The following BAZ2A variants were observed in gnomAD, a reference collection of about 807,000 sequenced individuals.
BAZ2A encodes the protein bromodomain adjacent to zinc finger domain 2A.
A neutral mutation model predicts 199.9 loss-of-function variants in BAZ2A; 34 were observed. That is an observed-to-expected ratio of 0.17 (90% confidence interval 0.13 to 0.23). BAZ2A has a LOEUF of 0.23. BAZ2A is among the 10% of genes least tolerant of loss of function. The pLI is 1.00. For synonymous variants in BAZ2A, 857 were observed against 883.9 expected, an observed-to-expected ratio of 0.97 and a Z score of 0.54; for missense variants, 2,002 against 2,391.1, an observed-to-expected ratio of 0.84 and a Z score of 3.39.
chr12:56,636,704 A>C (rs957917322), upstream of BAZ2A: 3 of 154,312 alleles, frequency 1.9e-5, no homozygotes, highest in African/African-American at 7.2e-5. Flanking sequence ...CCTGTACCCT[A>C]GGGCTTTTTC....
Position 56,605,887 on chromosome 12 carries a change from C to T in BAZ2A, c.2436G>A (p.Gln812=), listed in dbSNP as rs1592570845. The change falls in exon 13 of 29, where the codon CAG becomes CAA. Residue 812 remains glutamine, a synonymous_variant. Coordinates refer to ENST00000549884, the MANE Select transcript of BAZ2A (RefSeq NM_001300905.2). The part of the protein sequence containing the change: ...QRRLEERQRQ[Q]MILEEMKKPT... ...GCTTCTTCATTTCCTCCAAGATCAT[C>T]TGCTGCCTCTGCCGTTCCTCCAAGC... The T allele has an allele frequency of 6.3e-7, 1 of 1,597,576 alleles. No homozygotes were observed. The highest frequency in any genetic ancestry group is 1.1e-5 in the South Asian group (1 of 88,260).
At position 56,601,998 on chromosome 12, in the gene BAZ2A, C is replaced by G; in HGVS notation, c.3619G>C (p.Val1207Leu). 6.4e-7 allele frequency: 1 copy of G among 1,555,742 alleles called. No individual in the cohort carries two copies. The highest frequency in any genetic ancestry group is 1.2e-5 in the South Asian group (1 of 85,068). Residue 1207 changes from valine (V) to leucine (L), a missense_variant, in exon 20 of 29, where the codon GTC becomes CTC. Coordinates refer to ENST00000549884, the MANE Select transcript of BAZ2A (RefSeq NM_001300905.2). Reference sequence around the variant, plus strand: ...GGCTGTTCTGAATCCTGACCCCTGACAGGGGACTTAAGATGCCTAGGTTGC... The same window carrying G: ...GGCTGTTCTGAATCCTGACCCCTGAGAGGGGACTTAAGATGCCTAGGTTGC... The part of the protein sequence containing the change: ...SMQPRHLKSP[V>L]RGQDSEQPQA...
rs551372596 is a variant in BAZ2A at position 56,610,120 on chromosome 12, C to T, written c.1875G>A (p.Thr625=). ...TTAACCCTTGGGTCTGCACCTCTGG[C>T]GTGTCTCTTTCTTCAAAGAAATCTC... The part of the protein sequence containing the change: ...PVGDFFEERD[T]PEGLQWVQLS... Residue 625 remains threonine, a synonymous_variant, in exon 9 of 29, where the codon ACG becomes ACA. Transcript: ENST00000549884. The T allele has an allele frequency of 1.2e-5, 20 of 1,613,842 alleles. No individual in the cohort carries two copies. Among genetic ancestry groups the T allele is most frequent in the Admixed American group, 5.0e-5 (3 of 60,018 alleles).
chr12:56,598,852 A>C lies in BAZ2A; in HGVS notation c.5546+16T>G, dbSNP rs1592546040. On this transcript the variant is annotated intron_variant, in intron 28 of 28. Transcript: ENST00000549884. Reference sequence around the variant, plus strand: ...AGCAGTAGCAAAGACCGGGCGGTTCACCCACATCTACTTACCCTCCCCTGA... The same window carrying C: ...AGCAGTAGCAAAGACCGGGCGGTTCCCCCACATCTACTTACCCTCCCCTGA... 6.2e-7 allele frequency: 1 copy of C among 1,605,912 alleles called. No homozygotes were observed. Among genetic ancestry groups the C allele is most frequent in the South Asian group, 1.1e-5 (1 of 89,854 alleles).
Position 56,616,495 on chromosome 12 carries a change from C to A in BAZ2A, c.137-888G>T, listed in dbSNP as rs191724342. ...GCTGGGCTTGGCCCTTCCCTATAGG[C>A]ATTGGAAGGTAATATGCCAGCTGGC... On this transcript the variant is annotated intron_variant, in intron 2 of 28. Coordinates refer to ENST00000549884, the MANE Select transcript of BAZ2A (RefSeq NM_001300905.2). Among the ~76,000 whole-genome samples the A allele has an allele frequency of 1.6e-4, 24 of 152,262 alleles. No homozygotes were observed. In the East Asian group the frequency reaches 2.7e-3, roughly 17 times the overall value.
chr12:56,612,555 G>A (rs777034383), intron 5 of BAZ2A, among the ~76,000 whole-genome samples: 9 of 152,204 alleles, frequency 5.9e-5, no homozygotes, highest in Admixed American at 2.6e-4. Context: ...GAGTATAGCA[G>A]CCTATACCTC....
At chr12:56,618,109 C>T (rs1950782508) in intron 1 of BAZ2A, among the ~76,000 whole-genome samples, 1 of 152,112 alleles carries the variant, frequency 6.6e-6, no homozygotes, top group African/African-American at 2.4e-5. Context: ...GAATACATTT[C>T]AGGAAGGTGA....
chr12:56,623,859 G>A (rs1409199087), intron 1 of BAZ2A, among the ~76,000 whole-genome samples: 1 of 152,126 alleles, frequency 6.6e-6, no homozygotes, highest in African/African-American at 2.4e-5. Context: ...CACACCTTGG[G>A]AAAGTTCCAA....
chr12:56,625,145 T>C (rs1951041312), intron 1 of BAZ2A, among the ~76,000 whole-genome samples: 1 of 149,538 alleles, frequency 6.7e-6, no homozygotes, highest in African/African-American at 2.5e-5. Flanking sequence ...TGATTGTTTC[T>C]TAGAATTTCT....
Position 56,615,069 on chromosome 12 carries a change from C to T in BAZ2A, c.675G>A (p.Val225=). ...EAAEKEMTSV[V]AENGTGLVGS... ...CTACCAAGCCAGTGCCATTCTCTGC[C>T]ACAACTGAAGTCATCTCCTTTTCTG... is the stretch of plus-strand genomic sequence containing the variant. The change falls in exon 3 of 29, where the codon GTG becomes GTA. Residue 225 remains valine, a synonymous_variant. Transcript: ENST00000549884. 1 of 1,613,862 alleles carries T rather than the reference C, an allele frequency of 6.2e-7. No homozygotes were observed. The highest frequency in any genetic ancestry group is 1.3e-5 in the African/African-American group (1 of 75,028).
In BAZ2A at chr12:56,598,362, T is replaced by A. The variant is rs1339848702; in HGVS notation, c.*256A>T. ...CAAATAAAACAGAAAAGAAAAATTATTTTTTTCTTTCTTTTTTTGGCTTTT... is the reference window on the plus strand; with the variant it reads ...CAAATAAAACAGAAAAGAAAAATTAATTTTTTCTTTCTTTTTTTGGCTTTT... On this transcript the variant is annotated 3_prime_UTR_variant, in exon 29 of 29. Coordinates refer to ENST00000549884, the MANE Select transcript of BAZ2A (RefSeq NM_001300905.2). 8 of 400,362 alleles carry A rather than the reference T, an allele frequency of 2.0e-5. 1 individual carries two copies. Among genetic ancestry groups the A allele is most frequent in the Middle Eastern group, 6.8e-4 (1 of 1,472 alleles). The allele number at this position is 400,362 out of a possible 1,614,324, so 24.8% of individuals were successfully genotyped here.
At position 56,603,394 on chromosome 12, in the gene BAZ2A, G is replaced by A. The variant is rs1204069287; in HGVS notation, c.3244C>T (p.Pro1082Ser). The change falls in exon 18 of 29, where the codon CCA becomes TCA. Residue 1082 changes from proline (P) to serine (S), a missense_variant. Coordinates refer to ENST00000549884, the MANE Select transcript of BAZ2A (RefSeq NM_001300905.2). ...TTTTCTATCTGGCGCTCTAGCTCTGGGATGCTAGATGCTGTGGCATCAACC... is the reference window on the plus strand; with the variant it reads ...TTTTCTATCTGGCGCTCTAGCTCTGAGATGCTAGATGCTGTGGCATCAACC... ...GEVDATASSI[P>S]ELERQIEKLS... The A allele has an allele frequency of 1.2e-6, 2 of 1,613,972 alleles. No homozygotes were observed. Among genetic ancestry groups the A allele is most frequent in the Non-Finnish European group, 1.7e-6 (2 of 1,179,866 alleles).
Position 56,600,334 on chromosome 12 carries a change from G to T in BAZ2A, c.4759C>A (p.Arg1587=), listed in dbSNP as rs199616855. 7.6e-5 allele frequency: 122 copies of T among 1,613,972 alleles called. 2 individuals carry two copies. The African/African-American group carries it at 1.3e-3, about 18-fold the overall frequency. ...ACATTCTGTTCCAGGGCAGCCAGCC[G>T]CATCACAGCCAGGTCCAAAGGGTTG... ...TTNPLDLAVM[R]LAALEQNVER... The change falls in exon 24 of 29, where the codon CGG becomes AGG. Residue 1587 remains arginine, a synonymous_variant. Coordinates refer to ENST00000549884, the MANE Select transcript of BAZ2A (RefSeq NM_001300905.2).
Position 56,595,888 on chromosome 12 carries a change from C to A in BAZ2A, c.*2730G>T, listed in dbSNP as rs1281905208. Reference sequence around the variant, plus strand: ...ACCTATCCCAACGCCGTCTCCCCCTCAGGTGTGTAGAAGGGAAGATGAATA... The same window carrying A: ...ACCTATCCCAACGCCGTCTCCCCCTAAGGTGTGTAGAAGGGAAGATGAATA... On this transcript the variant is annotated 3_prime_UTR_variant, in exon 29 of 29. Transcript: ENST00000549884. 8.3e-6 allele frequency: 1 copy of A among 120,022 alleles called. No homozygotes were observed. Among genetic ancestry groups the A allele is most frequent in the Non-Finnish European group, 1.8e-5 (1 of 54,810 alleles). 7.4% of individuals were successfully genotyped at this position (120,022 alleles called of 1,614,324 possible).
intron 1 of BAZ2A, among the ~76,000 whole-genome samples, chr12:56,625,875 CAAA>C (rs748737235): frequency 9.0e-5 from 5 of 55,300 alleles, no homozygotes; most frequent in Admixed American, 2.0e-4. Context: ...AACTCCGTCT[CAAA>C]AAAAAAAAAA....
chr12:56,608,154 C>T (rs145682770), intron 10 of BAZ2A, among the ~76,000 whole-genome samples: 24 of 150,808 alleles, frequency 1.6e-4, no homozygotes, highest in Admixed American at 8.6e-4. Context: ...GGGCGGATCA[C>T]GAGGTCAGGA....
At chr12:56,630,741 G>T (rs1213628096), upstream of BAZ2A, 9 of 970,052 alleles carry the variant, frequency 9.3e-6, no homozygotes, top group Non-Finnish European at 1.1e-5. Context: ...TTCAGTAAAG[G>T]GATGGGGAGA....
upstream of BAZ2A, among the ~76,000 whole-genome samples, chr12:56,637,004 C>CT (rs1444593281): frequency 1.3e-5 from 2 of 152,232 alleles, no homozygotes; most frequent in African/African-American, 2.4e-5. Flanking sequence ...AATTGGAGCT[C>CT]AGCTTGTCCC....
At position 56,599,913 on chromosome 12, in the gene BAZ2A, C is replaced by G. The variant is rs1410304533; in HGVS notation, c.5025+51G>C. On this transcript the variant is annotated intron_variant, in intron 25 of 28. Transcript: ENST00000549884. ...CCTCTACCTGCCAGTGACCCCACCCCGCCCCTGCTGGCTGGCCCCTCAGCC... is the reference window on the plus strand; with the variant it reads ...CCTCTACCTGCCAGTGACCCCACCCGGCCCCTGCTGGCTGGCCCCTCAGCC... The G allele has an allele frequency of 2.2e-5, 36 of 1,613,146 alleles. No individual in the cohort carries two copies. The East Asian group carries it at 3.1e-4, about 14-fold the overall frequency.
Sources: gnomAD v4.1 joint callset for allele counts (sites outside exome capture counted in the v4.1 genomes callset) on GRCh38, gnomAD v4.1.1 for gene constraint, MANE v1.5 for transcripts, NCBI Gene and HGNC (gene_info 2026-07-23, HGNC 2026-07-21) for gene names.